DMTF1: variants seen among roughly 807,000 people sequenced by gnomAD.
DMTF1 encodes the protein cyclin-D-binding Myb-like transcription factor 1.
Under a neutral mutation model 91.1 loss-of-function variants are expected in DMTF1, and 39 were observed. The ratio of observed to expected loss-of-function variants is 0.43; its 90% CI spans 0.33 to 0.56. DMTF1 has a LOEUF of 0.56. Among genes scored for constraint, DMTF1 ranks in the 20% least tolerant of loss-of-function variants. The pLI, the probability that DMTF1 is intolerant of heterozygous loss-of-function variation, is 0.05. For synonymous variants in DMTF1, 338 were observed against 309.5 expected, an observed-to-expected ratio of 1.09 and a Z score of -0.97; for missense variants, 750 against 914.5, an observed-to-expected ratio of 0.82 and a Z score of 2.32.
intron 11 of DMTF1, chr7:87,184,972 T>C (rs1798100165): frequency 8.7e-6 from 4 of 462,044 alleles, no homozygotes; most frequent in Non-Finnish European, 1.7e-5. Flanking sequence ...GGAACACGTT[T>C]AGGATAAGAG....
chr7:87,161,185 AG>A (rs969521704), intron 1 of DMTF1, among the ~76,000 whole-genome samples: 3 of 152,268 alleles, frequency 2.0e-5, no homozygotes, highest in Admixed American at 6.5e-5. Context: ...AGGGGAAAAA[AG>A]GTGAGTCAAG....
intron 15 of DMTF1, 166 bp downstream of exon 15, chr7:87,193,519 C>A: frequency 1.2e-6 from 1 of 828,584 alleles, no homozygotes; most frequent in Non-Finnish European, 1.9e-6. Context: ...TATGTTTCAT[C>A]CCTTCTCTTT....
intron 3 of DMTF1, 80 bp downstream of exon 3, chr7:87,165,130 T>C (rs1793514852): frequency 3.4e-6 from 3 of 870,564 alleles, no homozygotes; most frequent in African/African-American, 1.7e-5. Flanking sequence ...ATTGCCCAAA[T>C]AGGGGTCTAG....
At chr7:87,193,672 C>G in intron 15 of DMTF1, 53 bp from the exon 16 acceptor site, 1 of 1,480,088 alleles carries the variant, frequency 6.8e-7, no homozygotes, top group Non-Finnish European at 9.1e-7. Context: ...GTGAGGTACC[C>G]CCATAAATGT....
chr7:87,166,675 G>A, intron 4 of DMTF1, 70 bp downstream of exon 4: 1 of 1,488,124 alleles, frequency 6.7e-7, no homozygotes, highest in South Asian at 1.2e-5. Context: ...AAGGCTTTCA[G>A]TTGGCATTTC....
chr7:87,189,427 C>A (rs1396639396), intron 13 of DMTF1, among the ~76,000 whole-genome samples: 8 of 152,022 alleles, frequency 5.3e-5, no homozygotes. Context: ...ATTACTAGTC[C>A]AAGTAAATAT....
In DMTF1 at chr7:87,166,748, A is replaced by G. The variant is rs1340518842; in HGVS notation, c.232+143A>G. 1.1e-4 allele frequency: 83 copies of G among 776,944 alleles called. 1 individual carries two copies. The South Asian group carries it at 1.3e-3, about 12-fold the overall frequency. The allele number at this position is 776,944 out of a possible 1,614,324, so 48.1% of individuals were successfully genotyped here. ...TCAAACCACCTCTTTTTAGCTAACA[A>G]TAAATACTATGTGCCAGGCATATCG... is the stretch of plus-strand genomic sequence containing the variant. On this transcript the variant is annotated intron_variant, in intron 4 of 17. Coordinates refer to ENST00000331242, the MANE Select transcript of DMTF1 (RefSeq NM_001142327.2).
At chr7:87,166,336 A>T (rs1793819598) in intron 3 of DMTF1, 147 bp from the exon 4 acceptor site, 5 of 723,706 alleles carry the variant, frequency 6.9e-6, no homozygotes, top group Non-Finnish European at 1.1e-5. Flanking sequence ...TGTCCTTTTG[A>T]ATCCTGTTTG....
intron 4 of DMTF1, among the ~76,000 whole-genome samples, chr7:87,168,963 A>G (rs1400989176): frequency 6.6e-6 from 1 of 152,146 alleles, no homozygotes. Context: ...CACTACCACA[A>G]ATACATACCT....
chr7:87,181,887 G>C (rs1384256069), intron 9 of DMTF1: 1 of 551,064 alleles, frequency 1.8e-6, no homozygotes, highest in South Asian at 2.0e-5. Flanking sequence ...GATGTCTAAA[G>C]AAGAGTTTGT....
chr7:87,169,748 C>T (rs1584289106), intron 4 of DMTF1, among the ~76,000 whole-genome samples: 1 of 152,316 alleles, frequency 6.6e-6, no homozygotes, highest in East Asian at 1.9e-4. Context: ...GAAACGTTTT[C>T]ACTTGGCCTG....
Position 87,181,317 on chromosome 7 carries a change from C to T in DMTF1, c.686C>T (p.Pro229Leu), listed in dbSNP as rs903613545. ...TTTCTCTGAATTTCTAGATATACAC[C>T]TGAAGAAATTGAGAAGCTCAAGGAG... ...DDRNHVGKYT[P>L]EEIEKLKELR... Residue 229 changes from proline to leucine, a missense_variant, in exon 9 of 18, where the codon CCT becomes CTT. Pro to Leu is a moderately conservative substitution (Grantham distance 98). This residue lies in a region of DMTF1 where 190 missense variants were observed against 343.8 expected (regional missense o/e 0.55). Transcript: ENST00000331242. 1.0e-5 allele frequency: 13 copies of T among 1,284,842 alleles called. No individual in the cohort carries two copies. Among genetic ancestry groups the T allele is most frequent in the African/African-American group, 1.5e-5 (1 of 67,352 alleles). The allele number at this position is 1,284,842 out of a possible 1,614,324, so 79.6% of individuals were successfully genotyped here. A position where few individuals can be genotyped will look rare whatever the true frequency, so the allele number is the denominator to read the frequency against.
rs756813681 is a variant in DMTF1 at position 87,194,055 on chromosome 7, A to G, written c.1981A>G (p.Lys661Glu). The change falls in exon 16 of 18, where the codon AAA (lysine) becomes GAA (glutamate). Residue 661 changes from lysine (K) to glutamate (E), a missense_variant. Around this residue, in one of 3 missense-constraint regions of DMTF1, gnomAD observed 410 missense variants for 420.2 expected, o/e 0.98. Transcript: ENST00000331242. ...TEEEISDTDL[K>E]QEESPSDLAS... ...AGAAGAAATCTCTGACACCGACCTT[A>G]AACAAGAGGAATCACCCTCTGATTT... The G allele has an allele frequency of 1.2e-6, 2 of 1,610,668 alleles. No homozygotes were observed. Among genetic ancestry groups the G allele is most frequent in the East Asian group, 4.5e-5 (2 of 44,852 alleles).
At chr7:87,178,649 T>C (rs980162541) in intron 7 of DMTF1, among the ~76,000 whole-genome samples, 5 of 152,172 alleles carry the variant, frequency 3.3e-5, no homozygotes, top group African/African-American at 1.2e-4. Context: ...TGTGCTAAAA[T>C]ATTATTAGGA....
At chr7:87,168,997 T>C (rs1202235079) in intron 4 of DMTF1, among the ~76,000 whole-genome samples, 1 of 152,222 alleles carries the variant, frequency 6.6e-6, no homozygotes, top group Non-Finnish European at 1.5e-5. Context: ...TCCATCCATA[T>C]ATTTGTTGTC....
chr7:87,167,100 T>A (rs1431328421), intron 4 of DMTF1, among the ~76,000 whole-genome samples: 1 of 152,250 alleles, frequency 6.6e-6, no homozygotes, highest in Non-Finnish European at 1.5e-5. Flanking sequence ...CAGAAAATTA[T>A]AATAACTTGG....
intron 4 of DMTF1, among the ~76,000 whole-genome samples, chr7:87,169,624 T>A (rs1794638460): frequency 6.6e-6 from 1 of 152,190 alleles, no homozygotes; most frequent in Admixed American, 6.5e-5. Context: ...CTAAACTGTT[T>A]TTCCCAGCTC....
intron 14 of DMTF1, chr7:87,192,489 G>T (rs937984031): frequency 6.6e-6 from 1 of 152,060 alleles, no homozygotes; most frequent in African/African-American, 2.4e-5. Flanking sequence ...TGGGGATTTA[G>T]TACCCAGGAG....
chr7:87,194,205 C>G, intron 16 of DMTF1, 103 bp downstream of exon 16: 1 of 1,296,198 alleles, frequency 7.7e-7, no homozygotes, highest in Non-Finnish European at 1.0e-6. Flanking sequence ...AAGCTCAAAC[C>G]CCCAACCTCA....
Sources: allele counts gnomAD v4.1 joint callset (sites outside exome capture counted in the v4.1 genomes callset), GRCh38; gene constraint gnomAD v4.1.1; regional missense constraint gnomAD v4.1.1; transcripts MANE v1.5; gene names NCBI Gene and HGNC (gene_info 2026-07-23, HGNC 2026-07-21).